Variants in LYST observed in about 807,000 individuals in gnomAD.
LYST encodes the protein lysosomal trafficking regulator, also known as lysosomal-trafficking regulator.
A neutral mutation model predicts 413.6 loss-of-function variants in LYST; 192 were observed. The observed-to-expected ratio is 0.46, with a 90% confidence interval of 0.41 to 0.52. The LOEUF (loss-of-function observed/expected upper bound fraction) is 0.52. LYST is among the 20% of genes least tolerant of loss of function. The pLI, the probability that LYST is intolerant of heterozygous loss-of-function variation, is 0.00. For synonymous variants in LYST, 1,525 were observed against 1,567.3 expected (o/e 0.97, Z 0.64); for missense variants, 3,815 against 4,499.9 (o/e 0.85, Z 4.35).
intron 3 of LYST, among the ~76,000 whole-genome samples, chr1:235,821,272 A>T (rs1330490471): frequency 1.3e-5 from 2 of 152,220 alleles, no homozygotes; most frequent in African/African-American, 4.8e-5. Flanking sequence ...CCCCATCTGT[A>T]CAAAAAATAC....
At chr1:235,881,258 A>G (rs553713352) in intron 1 of LYST, among the ~76,000 whole-genome samples, 3 of 152,306 alleles carry the variant, frequency 2.0e-5, no homozygotes, top group South Asian at 4.1e-4. Flanking sequence ...ACAGGTTTGC[A>G]AGTTCTTCTG....
At chr1:235,700,662 G>C (rs1661476457) in intron 45 of LYST, among the ~76,000 whole-genome samples, 1 of 152,190 alleles carries the variant, frequency 6.6e-6, no homozygotes, top group Non-Finnish European at 1.5e-5. Context: ...GGTGTCGAAA[G>C]TTTCACCGTG....
At chr1:235,832,284 A>T (rs1393164581) in intron 2 of LYST, among the ~76,000 whole-genome samples, 5 of 152,258 alleles carry the variant, frequency 3.3e-5, no homozygotes, top group Admixed American at 6.5e-5. Context: ...ACAAGTGCTT[A>T]TAAGACACTA....
Position 235,782,119 on chromosome 1 carries a change from T to C in LYST, c.4863-32A>G, listed in dbSNP as rs745525685. The C allele has an allele frequency of 5.1e-6, 8 of 1,580,840 alleles. No homozygotes were observed. In the East Asian group the frequency reaches 1.8e-4, roughly 36 times the overall value. On this transcript the variant is annotated intron_variant, in intron 14 of 52. Transcript: ENST00000389793. ...TAAAAACAAAACAAAGTTAAAGCAA[T>C]GACTTTAGGAAGTCTAGTACTAAGT...
intron 10 of LYST, among the ~76,000 whole-genome samples, chr1:235,798,557 G>T (rs1315063306): frequency 9.3e-6 from 1 of 107,750 alleles, no homozygotes; most frequent in Non-Finnish European, 1.7e-5. Context: ...CAGCCTTGGC[G>T]ACAAGGGCAA....
intron 1 of LYST, among the ~76,000 whole-genome samples, chr1:235,849,796 A>C (rs1418386766): frequency 3.4e-5 from 5 of 149,062 alleles, no homozygotes; most frequent in Admixed American, 2.6e-4. Flanking sequence ...AAAAAAAAAA[A>C]AACTTAGGAA....
At chr1:235,827,617 A>C in intron 3 of LYST, 3 of 984,530 alleles carry the variant, frequency 3.0e-6, no homozygotes, top group Non-Finnish European at 3.6e-6. Context: ...GAAAGAACTA[A>C]ATGTTGATAA....
At chr1:235,880,978 T>C (rs1681351307) in intron 1 of LYST, among the ~76,000 whole-genome samples, 1 of 152,000 alleles carries the variant, frequency 6.6e-6, no homozygotes, top group Non-Finnish European at 1.5e-5. Flanking sequence ...ATAAAAAAAT[T>C]AGCCGGGCGT....
At chr1:235,824,319 T>C (rs1675090835) in intron 3 of LYST, among the ~76,000 whole-genome samples, 1 of 152,248 alleles carries the variant, frequency 6.6e-6, no homozygotes, top group Non-Finnish European at 1.5e-5. Flanking sequence ...GTAGTATTTA[T>C]AACACATGTT....
At chr1:235,797,221 T>C (rs1271322980) in intron 10 of LYST, among the ~76,000 whole-genome samples, 1 of 152,094 alleles carries the variant, frequency 6.6e-6, no homozygotes, top group African/African-American at 2.4e-5. Flanking sequence ...CAAATGTCCA[T>C]CAACTGATGA....
At chr1:235,798,593 A>C (rs1311244203) in intron 10 of LYST, among the ~76,000 whole-genome samples, 1 of 52,398 alleles carries the variant, frequency 1.9e-5, no homozygotes, top group Non-Finnish European at 4.3e-5. Flanking sequence ...AAAAAAAAAA[A>C]AAAAAAAAAA....
chr1:235,828,912 T>C, intron 3 of LYST: 1 of 908,844 alleles, frequency 1.1e-6, no homozygotes, highest in Non-Finnish European at 1.3e-6. Flanking sequence ...AGAATAAAAA[T>C]ACATAAACTT....
chr1:235,797,895 G>A (rs549667745), intron 10 of LYST, among the ~76,000 whole-genome samples: 1 of 152,148 alleles, frequency 6.6e-6, no homozygotes, highest in East Asian at 1.9e-4. Flanking sequence ...TCAATATCCA[G>A]AATATATAGA....
At chr1:235,862,811 ACACACACACAC>A (rs1159903980) in intron 1 of LYST, among the ~76,000 whole-genome samples, 3 of 79,576 alleles carry the variant, frequency 3.8e-5, no homozygotes, top group African/African-American at 1.3e-4. Context: ...AAACAAACAC[ACACACACACAC>A]ACACACACAC....
At chr1:235,855,606 G>C (rs1679075337) in intron 1 of LYST, among the ~76,000 whole-genome samples, 1 of 152,036 alleles carries the variant, frequency 6.6e-6, no homozygotes, top group Admixed American at 6.6e-5. Context: ...AAAACAGCTT[G>C]GAGCCTTATC....
intron 20 of LYST, among the ~76,000 whole-genome samples, chr1:235,769,691 A>G (rs1668470388): frequency 6.6e-6 from 1 of 152,140 alleles, no homozygotes; most frequent in African/African-American, 2.4e-5. Flanking sequence ...AGACATTACA[A>G]TGTAACTGAT....
intron 25 of LYST, 60 bp downstream of exon 25, chr1:235,755,418 G>GAAAGAAAAGAAAAGAAAAGAAAAGAA: frequency 7.1e-7 from 1 of 1,409,076 alleles, no homozygotes; most frequent in African/African-American, 1.5e-5. Flanking sequence ...GAAAAGAAAA[G>GAAAGAAAAGAAAAGAAAAGAAAAGAA]AAAAGAAAAG....
chr1:235,819,677 C>T (rs1016086046), intron 3 of LYST, among the ~76,000 whole-genome samples: 5 of 152,310 alleles, frequency 3.3e-5, no homozygotes, highest in Middle Eastern at 6.8e-3. Context: ...GATGGAGTCT[C>T]ACTCTGCCAC....
chr1:235,872,374 C>G (rs1680966959), intron 1 of LYST, among the ~76,000 whole-genome samples: 1 of 151,136 alleles, frequency 6.6e-6, no homozygotes, highest in Non-Finnish European at 1.5e-5. Flanking sequence ...CCAGGGAAAA[C>G]TGCCCATTTT....
Sources: gnomAD v4.1 joint callset for allele counts (sites outside exome capture counted in the v4.1 genomes callset) on GRCh38, gnomAD v4.1.1 for gene constraint, MANE v1.5 for transcripts, NCBI Gene and HGNC (gene_info 2026-07-23, HGNC 2026-07-21) for gene names.